The following WWC1 variants were observed in gnomAD, a reference collection of about 807,000 sequenced individuals.
The protein encoded by WWC1 is WW and C2 domain containing 1, also known as protein KIBRA.
In WWC1, 55 loss-of-function variants were observed where a neutral mutation model predicts 138.4. The ratio of observed to expected loss-of-function variants is 0.40; its 90% CI spans 0.32 to 0.50. The LOEUF is 0.50. Ranked by LOEUF, WWC1 falls within the 20% of genes least tolerant of loss-of-function variation. The pLI is 0.72. For missense variants in WWC1, 1,226 were observed against 1,420.4 expected (o/e 0.86, Z 2.20); for synonymous variants, 524 against 564.9 (o/e 0.93, Z 1.03).
chr5:168,332,657 C>A (rs183656275), intron 1 of WWC1, among the ~76,000 whole-genome samples: 297 of 151,996 alleles, frequency 2.0e-3, no homozygotes, highest in African/African-American at 6.7e-3. Context: ...GGAAAAGTTT[C>A]TTGTTACTTG....
At position 168,454,094 on chromosome 5, in the gene WWC1, A is replaced by C. The variant is rs557136370; in HGVS notation, c.2652A>C (p.Ala884=). 4.0e-5 allele frequency: 65 copies of C among 1,612,738 alleles called. No individual in the cohort carries two copies. The South Asian group carries it at 6.5e-4, about 16-fold the overall frequency. The part of the protein sequence containing the change: ...KASPDMDGYP[A]LKVDKETNTE... ...CACCTGATATGGATGGGTACCCAGC[A>C]TTAAAGGTAGGAAGGGCTGGGGGGA... The change falls in exon 18 of 23, where the codon GCA becomes GCC. Residue 884 remains alanine, a synonymous_variant. Coordinates refer to ENST00000265293, the MANE Select transcript of WWC1 (RefSeq NM_015238.3).
At chr5:168,358,692 G>A (rs1775641971) in intron 1 of WWC1, among the ~76,000 whole-genome samples, 1 of 152,076 alleles carries the variant, frequency 6.6e-6, no homozygotes, top group African/African-American at 2.4e-5. Flanking sequence ...GCATTGAATT[G>A]ACGATTTTCT....
chr5:168,433,004 T>C (rs1247566238), intron 15 of WWC1, among the ~76,000 whole-genome samples: 1 of 152,230 alleles, frequency 6.6e-6, no homozygotes, highest in Non-Finnish European at 1.5e-5. Flanking sequence ...CTGCATGCGC[T>C]ATAAAACCCT....
intron 10 of WWC1, among the ~76,000 whole-genome samples, chr5:168,423,152 A>C (rs1347774127): frequency 7.8e-4 from 112 of 143,748 alleles, no homozygotes; most frequent in East Asian, 3.2e-3. Context: ...CCCCCCCCAA[A>C]AAAAAAAAAA....
chr5:168,429,483 T>C (rs940476996), intron 13 of WWC1, among the ~76,000 whole-genome samples: 2 of 152,038 alleles, frequency 1.3e-5, no homozygotes, highest in African/African-American at 4.8e-5. Context: ...AGTCTCAAAC[T>C]CCTGACCTCA....
chr5:168,403,058 C>CTTTCTTTCTTTCTTTT (rs1779474589), intron 5 of WWC1, among the ~76,000 whole-genome samples: 3 of 121,812 alleles, frequency 2.5e-5, no homozygotes, highest in Admixed American at 8.1e-5. Context: ...TTCTTTCTTT[C>CTTTCTTTCTTTCTTTT]TTTCTTTCTT....
intron 20 of WWC1, among the ~76,000 whole-genome samples, chr5:168,464,252 A>T (rs888509891): frequency 6.6e-6 from 1 of 152,208 alleles, no homozygotes; most frequent in Non-Finnish European, 1.5e-5. Context: ...TCAAGCAGGA[A>T]CAGACCTGTA....
intron 1 of WWC1, among the ~76,000 whole-genome samples, chr5:168,307,591 T>C (rs1770687045): frequency 7.5e-6 from 1 of 133,654 alleles, no homozygotes; most frequent in South Asian, 2.5e-4. Context: ...ACATCTTTGA[T>C]TTTACCCTTT....
chr5:168,353,360 G>A (rs12515961), intron 1 of WWC1, among the ~76,000 whole-genome samples: 14,234 of 152,238 alleles, frequency 0.093, 1,226 homozygotes, highest in East Asian at 0.43. Context: ...CAGACCCTGA[G>A]GCAGTCCTTG....
chr5:168,299,718 G>A (rs538771343), intron 1 of WWC1, among the ~76,000 whole-genome samples: 3 of 152,316 alleles, frequency 2.0e-5, no homozygotes, highest in East Asian at 1.9e-4. Flanking sequence ...AGGTTGGCAC[G>A]CCAAGTTCAG....
At chr5:168,446,540 A>G (rs1490860355) in intron 17 of WWC1, among the ~76,000 whole-genome samples, 1 of 152,222 alleles carries the variant, frequency 6.6e-6, no homozygotes, top group Non-Finnish European at 1.5e-5. Context: ...CATGCAGAAA[A>G]TTCACCTAAG....
chr5:168,336,095 A>G (rs1773429147), intron 1 of WWC1, among the ~76,000 whole-genome samples: 1 of 152,050 alleles, frequency 6.6e-6, no homozygotes, highest in Non-Finnish European at 1.5e-5. Context: ...TGGTATGCAA[A>G]CCCCTCCCTT....
At chr5:168,366,609 A>G (rs979795130) in intron 1 of WWC1, among the ~76,000 whole-genome samples, 7 of 152,074 alleles carry the variant, frequency 4.6e-5, no homozygotes, top group African/African-American at 1.7e-4. Flanking sequence ...TGTCTGTCAC[A>G]TTACTGATGC....
chr5:168,335,888 TC>T (rs1484593014), intron 1 of WWC1, among the ~76,000 whole-genome samples: 1 of 152,194 alleles, frequency 6.6e-6, no homozygotes, highest in Admixed American at 6.5e-5. Context: ...CAGACACAGC[TC>T]CCTCTACCCA....
intron 6 of WWC1, among the ~76,000 whole-genome samples, chr5:168,407,945 G>A (rs538039422): frequency 9.1e-4 from 137 of 150,826 alleles, no homozygotes; most frequent in Middle Eastern, 6.8e-3. Context: ...TCACTGCAGC[G>A]TCAAACTCCT....
intron 2 of WWC1, among the ~76,000 whole-genome samples, chr5:168,379,365 T>C (rs959304697): frequency 6.6e-6 from 1 of 152,014 alleles, no homozygotes; most frequent in Non-Finnish European, 1.5e-5. Flanking sequence ...CCCCTCAGGG[T>C]GTGACAGTTC....
chr5:168,385,759 T>A (rs1777995722), intron 3 of WWC1, among the ~76,000 whole-genome samples: 1 of 152,224 alleles, frequency 6.6e-6, no homozygotes, highest in African/African-American at 2.4e-5. Context: ...TAGAGGTGGA[T>A]GGTAGTATGT....
At chr5:168,440,058 C>A (rs78185596) in intron 15 of WWC1, among the ~76,000 whole-genome samples, 2,371 of 152,240 alleles carry the variant, frequency 0.016, 67 homozygotes, top group African/African-American at 0.055. Context: ...TCCTCAGTAC[C>A]TAACACAGAA....
rs767364352 is a variant in WWC1 at position 168,448,487 on chromosome 5, A to G, written c.2525+3902A>G. Among the ~76,000 whole-genome samples, 4 of 152,306 alleles carry G rather than the reference A, an allele frequency of 2.6e-5. No individual in the cohort carries two copies. The East Asian group carries it at 7.7e-4, about 29-fold the overall frequency. ...TAACACCAAACAATACTATGGGGAA[A>G]AATCTTTGTATTTGCCTCCTTGGGA... On this transcript the variant is annotated intron_variant, in intron 17 of 22. Transcript: ENST00000265293.
Sources: allele counts gnomAD v4.1 joint callset (sites outside exome capture counted in the v4.1 genomes callset), GRCh38; gene constraint gnomAD v4.1.1; transcripts MANE v1.5; gene names NCBI Gene and HGNC (gene_info 2026-07-23, HGNC 2026-07-21).